STAG1: variants seen among roughly 807,000 people sequenced by gnomAD.
STAG1 encodes the protein cohesin subunit SA-1.
STAG1 carries 26 observed loss-of-function variants against 170.9 expected under a neutral mutation model. That is an observed-to-expected ratio of 0.15 (90% CI 0.11 to 0.21). The LOEUF is 0.21. STAG1 is among the 10% of genes least tolerant of loss of function. STAG1 has a pLI of 1.00. For synonymous variants in STAG1, 514 were observed against 497.7 expected, an observed-to-expected ratio of 1.03 and a Z score of -0.44; for missense variants, 964 against 1,509.5, an observed-to-expected ratio of 0.64 and a Z score of 5.99.
At chr3:136,669,967 C>G (rs1941929140) in intron 1 of STAG1, among the ~76,000 whole-genome samples, 1 of 152,152 alleles carries the variant, frequency 6.6e-6, no homozygotes, top group African/African-American at 2.4e-5. Flanking sequence ...ACACAAATAA[C>G]TAAAATATAT....
intron 1 of STAG1, among the ~76,000 whole-genome samples, chr3:136,687,838 G>C (rs1942587142): frequency 6.6e-6 from 1 of 151,572 alleles, no homozygotes; most frequent in Admixed American, 6.6e-5. Context: ...CTGGGTTCAA[G>C]TGATTCTCCT....
chr3:136,401,025 G>T (rs979395073), intron 21 of STAG1, among the ~76,000 whole-genome samples: 1 of 152,054 alleles, frequency 6.6e-6, no homozygotes, highest in Admixed American at 6.6e-5. Context: ...GGGAAAAGAA[G>T]GTATAGTTTA....
intron 4 of STAG1, among the ~76,000 whole-genome samples, chr3:136,571,542 C>G (rs989743959): frequency 6.6e-6 from 1 of 151,852 alleles, no homozygotes; most frequent in East Asian, 1.9e-4. Context: ...GCACACCAGT[C>G]TGAGTGACAG....
At chr3:136,467,441 G>C (rs565832830) in intron 12 of STAG1, among the ~76,000 whole-genome samples, 29 of 152,030 alleles carry the variant, frequency 1.9e-4, no homozygotes, top group African/African-American at 7.0e-4. Flanking sequence ...AAGGGATCAA[G>C]TCAACAAGAA....
chr3:136,393,591 T>C (rs1361734719), intron 22 of STAG1, among the ~76,000 whole-genome samples: 19 of 116,968 alleles, frequency 1.6e-4, no homozygotes, highest in Non-Finnish European at 3.1e-4. Flanking sequence ...ACGCTTCATC[T>C]TTTTTTTTTT....
intron 6 of STAG1, among the ~76,000 whole-genome samples, chr3:136,530,250 T>A (rs1935305494): frequency 6.6e-6 from 1 of 152,158 alleles, no homozygotes; most frequent in South Asian, 2.1e-4. Flanking sequence ...CATTACTAAA[T>A]CTAAATAGAC....
chr3:136,362,485 G>C (rs1936908490), intron 26 of STAG1, among the ~76,000 whole-genome samples: 1 of 149,704 alleles, frequency 6.7e-6, no homozygotes, highest in African/African-American at 2.4e-5. Flanking sequence ...TATACAGATT[G>C]GCTGGGGCAA....
At chr3:136,679,231 T>C (rs556308442) in intron 1 of STAG1, among the ~76,000 whole-genome samples, 2 of 152,108 alleles carry the variant, frequency 1.3e-5, no homozygotes, top group Admixed American at 6.5e-5. Flanking sequence ...AAACAAAAAA[T>C]ATAGAAATCC....
At chr3:136,342,326 T>C (rs12330258) in intron 30 of STAG1, among the ~76,000 whole-genome samples, 62,269 of 151,684 alleles carry the variant, frequency 0.41, 13,583 homozygotes, top group African/African-American at 0.54. Context: ...GCCAGGAATT[T>C]TTTTTTTTTA....
At chr3:136,445,692 A>G (rs2088758354) in intron 14 of STAG1, among the ~76,000 whole-genome samples, 1 of 152,226 alleles carries the variant, frequency 6.6e-6, no homozygotes, top group Non-Finnish European at 1.5e-5. Flanking sequence ...ATGAAGATTT[A>G]CAATCGCATA....
At chr3:136,551,578 C>T (rs1175069421) in intron 5 of STAG1, among the ~76,000 whole-genome samples, 2 of 151,390 alleles carry the variant, frequency 1.3e-5, no homozygotes, top group Admixed American at 6.6e-5. Flanking sequence ...GCCTGCTCTG[C>T]CTCTTTTGAA....
At chr3:136,681,506 G>A (rs866988487) in intron 1 of STAG1, among the ~76,000 whole-genome samples, 2 of 152,026 alleles carry the variant, frequency 1.3e-5, no homozygotes, top group African/African-American at 2.4e-5. Context: ...AAGGCATGAG[G>A]TTATAAATAA....
intron 21 of STAG1, 145 bp downstream of exon 21, chr3:136,417,735 CATTTA>C: frequency 1.6e-6 from 1 of 634,842 alleles, no homozygotes. Flanking sequence ...CTATCAATAA[CATTTA>C]ATTACTACAG....
chr3:136,369,201 C>G lies in STAG1; in HGVS notation c.2452G>C (p.Val818Leu). The change falls in exon 24 of 34, where the codon GTG becomes CTG. Residue 818 changes from valine (V) to leucine (L), a missense_variant. This residue lies in a region of STAG1 where 232 missense variants were observed against 313.0 expected (regional missense o/e 0.74). Transcript: ENST00000383202. ...TGGAGTCCAGTATCTGGATTGAACA[C>G]CAAAGGCTGAAGGCCCTCTCTGCCA... is the stretch of plus-strand genomic sequence containing the variant. ...TGGREGLQPL[V>L]FNPDTGLQSE... 6.2e-7 allele frequency: 1 copy of G among 1,605,542 alleles called. No individual in the cohort carries two copies. Among genetic ancestry groups the G allele is most frequent in the East Asian group, 2.3e-5 (1 of 44,256 alleles).
At chr3:136,648,830 A>G (rs1036065397) in intron 1 of STAG1, among the ~76,000 whole-genome samples, 4 of 152,144 alleles carry the variant, frequency 2.6e-5, no homozygotes, top group African/African-American at 4.8e-5. Context: ...GAATATTTCA[A>G]TAGTCTCCTA....
chr3:136,648,087 A>G (rs1322011742), intron 1 of STAG1, among the ~76,000 whole-genome samples: 6 of 152,366 alleles, frequency 3.9e-5, no homozygotes, highest in Admixed American at 2.6e-4. Flanking sequence ...CCATGAGTTG[A>G]TAACTATTGA....
intron 21 of STAG1, among the ~76,000 whole-genome samples, chr3:136,409,519 T>C (rs2107709341): frequency 6.6e-6 from 1 of 152,126 alleles, no homozygotes; most frequent in South Asian, 2.1e-4. Flanking sequence ...GTATTTTTAG[T>C]ATAGATGGGG....
rs372542174 is a variant in STAG1 at position 136,366,930 on chromosome 3, T to C, written c.2685+13A>G. On this transcript the variant is annotated intron_variant, in intron 25 of 33. Coordinates refer to ENST00000383202, the MANE Select transcript of STAG1 (RefSeq NM_005862.3). ...GTTAGAGGAAGGAGAAAAATAAGAATATTTAACTATACCTTCATGTAGTGT... is the reference window on the plus strand; with the variant it reads ...GTTAGAGGAAGGAGAAAAATAAGAACATTTAACTATACCTTCATGTAGTGT... 15 of 1,534,630 alleles carry C rather than the reference T, an allele frequency of 9.8e-6. No homozygotes were observed. Among genetic ancestry groups the C allele is most frequent in the Non-Finnish European group, 1.1e-5 (12 of 1,132,600 alleles).
chr3:136,517,162 G>C (rs1934418375), intron 7 of STAG1, among the ~76,000 whole-genome samples: 1 of 152,196 alleles, frequency 6.6e-6, no homozygotes, highest in Admixed American at 6.5e-5. Context: ...GAGTCTGAGA[G>C]TGACTTATTG....
Sources: allele counts gnomAD v4.1 joint callset (sites outside exome capture counted in the v4.1 genomes callset), GRCh38; gene constraint gnomAD v4.1.1; regional missense constraint gnomAD v4.1.1; transcripts MANE v1.5; gene names NCBI Gene and HGNC (gene_info 2026-07-23, HGNC 2026-07-21).